Variants in PCDH15 observed in about 807,000 individuals in gnomAD.
PCDH15 encodes protocadherin related 15.
A neutral mutation model predicts 178.5 loss-of-function variants in PCDH15; 129 were observed. The observed-to-expected ratio is 0.72, with a 90% CI of 0.63 to 0.84. PCDH15 has a LOEUF of 0.84. PCDH15 is among the 40% of genes least tolerant of loss of function. The probability of loss-of-function intolerance (pLI) is 0.00; values close to 1 mark genes in which losing one functional copy is unlikely to be tolerated. For synonymous variants in PCDH15, 800 were observed against 732.0 expected, an observed-to-expected ratio of 1.09 and a Z score of -1.50; for missense variants, 2,230 against 2,099.9, an observed-to-expected ratio of 1.06 and a Z score of -1.21.
At chr10:55,054,165 T>C (rs969369821) in intron 2 of PCDH15, among the ~76,000 whole-genome samples, 22 of 152,160 alleles carry the variant, frequency 1.4e-4, no homozygotes, top group Non-Finnish European at 1.5e-5. Context: ...ATGTACTGTT[T>C]TGATGTACCT....
At chr10:54,205,285 C>A (rs957717155) in intron 10 of PCDH15, among the ~76,000 whole-genome samples, 5 of 152,002 alleles carry the variant, frequency 3.3e-5, no homozygotes, top group Non-Finnish European at 7.4e-5. Flanking sequence ...TCTGTTCTAG[C>A]CTTTTATGTA....
intron 28 of PCDH15, among the ~76,000 whole-genome samples, chr10:53,852,588 G>C (rs77763754): frequency 0.02 from 2,992 of 152,114 alleles, 30 homozygotes; most frequent in South Asian, 0.034. Context: ...CCATTTTCCA[G>C]GTACTGCGGT....
In PCDH15 at chr10:55,334,743, T is replaced by C. The variant is rs562290835; in HGVS notation, c.-155-168092A>G. The stretch of plus-strand genomic sequence containing the variant: ...ATTTAAAAAGTCTGATATTCCAATA[T>C]CAAAAAATCTAGATTGTTATTTGGT... On this transcript the variant is annotated intron_variant, in intron 2 of 5. Coordinates refer to the PCDH15 transcript ENST00000613346. Among the ~76,000 whole-genome samples the C allele has an allele frequency of 3.8e-4, 58 of 152,300 alleles. No homozygotes were observed. The East Asian group carries it at 0.011, about 28-fold the overall frequency.
At chr10:54,054,964 A>G (rs2093854151) in intron 18 of PCDH15, among the ~76,000 whole-genome samples, 1 of 152,168 alleles carries the variant, frequency 6.6e-6, no homozygotes, top group Admixed American at 6.5e-5. Flanking sequence ...CTGAGCTACA[A>G]AAAATAAGAA....
intron 2 of PCDH15, among the ~76,000 whole-genome samples, chr10:55,342,082 A>G (rs1844616608): frequency 6.6e-6 from 1 of 151,262 alleles, no homozygotes; most frequent in African/African-American, 2.4e-5. Context: ...TTTTCATTTT[A>G]TTTGAATATG....
At chr10:53,973,353 A>C (rs535482618) in intron 21 of PCDH15, among the ~76,000 whole-genome samples, 1 of 151,708 alleles carries the variant, frequency 6.6e-6, no homozygotes, top group Non-Finnish European at 1.5e-5. Flanking sequence ...TCTCGAGTTA[A>C]TGGGTGCAGC....
chr10:55,377,598 T>C (rs1219828199), intron 2 of PCDH15, among the ~76,000 whole-genome samples: 1 of 152,088 alleles, frequency 6.6e-6, no homozygotes, highest in Non-Finnish European at 1.5e-5. Context: ...TTCAATAAAA[T>C]AAGTCATTTT....
chr10:54,238,864 TGC>T (rs954841666), intron 8 of PCDH15, among the ~76,000 whole-genome samples: 3 of 152,088 alleles, frequency 2.0e-5, no homozygotes, highest in African/African-American at 7.2e-5. Context: ...GGAATCTGAT[TGC>T]CATCAGCCAA....
At chr10:54,959,623 C>T (rs1392739455) in intron 2 of PCDH15, among the ~76,000 whole-genome samples, 11 of 152,002 alleles carry the variant, frequency 7.2e-5, no homozygotes, top group Admixed American at 2.6e-4. Context: ...CATATGTGCT[C>T]ATCAATGTGA....
At chr10:54,448,662 G>A (rs1343965660) in intron 3 of PCDH15, among the ~76,000 whole-genome samples, 1 of 151,566 alleles carries the variant, frequency 6.6e-6, no homozygotes, top group Non-Finnish European at 1.5e-5. Context: ...TGTTAAAGCT[G>A]TAAGTTACAA....
chr10:54,867,597 A>C (rs1758230739), intron 3 of PCDH15, among the ~76,000 whole-genome samples: 1 of 152,114 alleles, frequency 6.6e-6, no homozygotes, highest in African/African-American at 2.4e-5. Flanking sequence ...TTTCAAGAAG[A>C]TATGGGTTCT....
chr10:55,384,420 CAAAT>C (rs944783910), intron 2 of PCDH15, among the ~76,000 whole-genome samples: 65 of 152,180 alleles, frequency 4.3e-4, no homozygotes, highest in African/African-American at 1.6e-3. Context: ...ACTGTTATCT[CAAAT>C]AAAAACACTA....
At chr10:53,880,399 A>T (rs2080620218) in intron 26 of PCDH15, among the ~76,000 whole-genome samples, 1 of 152,220 alleles carries the variant, frequency 6.6e-6, no homozygotes, top group South Asian at 2.1e-4. Flanking sequence ...AAATGAACTT[A>T]CTGTAACATG....
intron 2 of PCDH15, among the ~76,000 whole-genome samples, chr10:55,120,129 G>A (rs946855121): frequency 6.6e-6 from 1 of 151,668 alleles, no homozygotes; most frequent in African/African-American, 2.4e-5. Context: ...GAGGAAACAG[G>A]GACAAGAGAT....
At chr10:54,285,162 TATA>T (rs2058956562) in intron 8 of PCDH15, among the ~76,000 whole-genome samples, 2 of 152,042 alleles carry the variant, frequency 1.3e-5, no homozygotes, top group African/African-American at 4.8e-5. Context: ...AAGTCAACCA[TATA>T]ATACTTCATG....
rs184996394 is a variant in PCDH15, at chr10:55,568,242, T to A, written c.-156+59383A>T. ...TATTCAACCTTAAGAAGGGAGGAAA[T>A]GCTAATATATGCTACAACATGTGTG... On this transcript the variant is annotated intron_variant, in intron 2 of 5. Coordinates refer to the PCDH15 transcript ENST00000613346. 2.3e-3 allele frequency among the ~76,000 whole-genome samples: 354 copies of A among 152,074 alleles called. 2 individuals carry two copies. The highest frequency in any genetic ancestry group is 6.8e-3 in the Middle Eastern group (2 of 294).
At chr10:54,999,734 T>C (rs527753248) in intron 2 of PCDH15, among the ~76,000 whole-genome samples, 1 of 152,254 alleles carries the variant, frequency 6.6e-6, no homozygotes, top group South Asian at 2.1e-4. Flanking sequence ...TCGGGCGAAA[T>C]TCACCCCCGA....
intron 3 of PCDH15, among the ~76,000 whole-genome samples, chr10:54,381,217 G>C (rs150073104): frequency 4.1e-4 from 63 of 152,122 alleles, no homozygotes; most frequent in African/African-American, 1.5e-3. Flanking sequence ...ACTCTGAATT[G>C]CCTGAACAAC....
Position 55,391,648 on chromosome 10 carries a change from G to A in PCDH15, c.-155-224997C>T, listed in dbSNP as rs147372259. Among the ~76,000 whole-genome samples the A allele has an allele frequency of 3.3e-3, 505 of 151,852 alleles. 2 individuals carry two copies. The highest frequency in any genetic ancestry group is 9.8e-3 in the African/African-American group (405 of 41,408). ...ATTACAGGCATGCACCACCACACCC[G>A]CCTAATTTTTTGTATATTTAGTAGA... On this transcript the variant is annotated intron_variant, in intron 2 of 5. Coordinates refer to the PCDH15 transcript ENST00000613346.
Sources: allele counts gnomAD v4.1 joint callset (sites outside exome capture counted in the v4.1 genomes callset), GRCh38; gene constraint gnomAD v4.1.1; transcripts MANE v1.5; gene names NCBI Gene and HGNC (gene_info 2026-07-23, HGNC 2026-07-21).